BCL2: variants seen among roughly 807,000 people sequenced by gnomAD.
BCL2 encodes the protein BCL2 apoptosis regulator, also known as apoptosis regulator Bcl-2.
In BCL2, 1 loss-of-function variant was observed where a neutral mutation model predicts 14.2. That is an observed-to-expected ratio of 0.07 (90% CI 0.02 to 0.33). The LOEUF is 0.33. BCL2 is among the 10% of genes least tolerant of loss of function. BCL2 has a pLI of 0.99. For missense variants in BCL2, 247 were observed against 305.9 expected, an observed-to-expected ratio of 0.81 and a Z score of 1.44; for synonymous variants, 151 against 137.2, an observed-to-expected ratio of 1.10 and a Z score of -0.70.
intron 2 of BCL2, among the ~76,000 whole-genome samples, chr18:63,168,254 G>C (rs1198677979): frequency 6.6e-6 from 1 of 151,588 alleles, no homozygotes; most frequent in Non-Finnish European, 1.5e-5. Flanking sequence ...CCTTCCCTGG[G>C]CACATTTAAA....
chr18:63,260,101 CT>C (rs146237417), intron 2 of BCL2, among the ~76,000 whole-genome samples: 27 of 149,746 alleles, frequency 1.8e-4, no homozygotes, highest in African/African-American at 5.4e-4. Flanking sequence ...TTTTCATCTG[CT>C]TTTTTTTTTC....
At chr18:63,232,890 T>C (rs1333373661) in intron 2 of BCL2, among the ~76,000 whole-genome samples, 2 of 152,228 alleles carry the variant, frequency 1.3e-5, no homozygotes, top group Non-Finnish European at 2.9e-5. Flanking sequence ...TATTATGATA[T>C]ATTTATAGAA....
At chr18:63,249,573 GGTGGTGC>G (rs1342344607) in intron 2 of BCL2, among the ~76,000 whole-genome samples, 2 of 152,032 alleles carry the variant, frequency 1.3e-5, no homozygotes, top group Non-Finnish European at 2.9e-5. Context: ...AGCTGGGCAT[GGTGGTGC>G]GTGACTGTAG....
At chr18:63,162,202 C>G (rs1316078615) in intron 2 of BCL2, among the ~76,000 whole-genome samples, 6 of 152,164 alleles carry the variant, frequency 3.9e-5, no homozygotes, top group Admixed American at 3.3e-4. Flanking sequence ...TTAGTATTAG[C>G]AGACCATCAA....
intron 2 of BCL2, among the ~76,000 whole-genome samples, chr18:63,188,050 T>C (rs1367867623): frequency 6.6e-6 from 1 of 152,170 alleles, no homozygotes; most frequent in Non-Finnish European, 1.5e-5. Flanking sequence ...ACTTTGTAAG[T>C]ATACGATCAA....
intron 2 of BCL2, among the ~76,000 whole-genome samples, chr18:63,187,592 C>T (rs1915619999): frequency 1.3e-5 from 2 of 152,150 alleles, no homozygotes; most frequent in Admixed American, 6.5e-5. Context: ...GTTGAAAATA[C>T]CAGGAAAAAC....
intron 2 of BCL2, among the ~76,000 whole-genome samples, chr18:63,273,383 T>C (rs1362660778): frequency 2.0e-5 from 3 of 152,178 alleles, no homozygotes; most frequent in African/African-American, 7.2e-5. Context: ...CTTTCCTCCC[T>C]TCTACCGGCT....
intron 2 of BCL2, among the ~76,000 whole-genome samples, chr18:63,181,096 T>C (rs764803888): frequency 3.3e-5 from 5 of 152,168 alleles, no homozygotes; most frequent in Non-Finnish European, 7.3e-5. Context: ...AAGTGCAACA[T>C]GCAAGACAGA....
At chr18:63,164,144 G>A (rs1165215745) in intron 2 of BCL2, among the ~76,000 whole-genome samples, 3 of 152,198 alleles carry the variant, frequency 2.0e-5, no homozygotes, top group Admixed American at 1.3e-4. Flanking sequence ...AATGAATGGA[G>A]TAAAATCTTC....
chr18:63,208,805 C>T (rs184476284), intron 2 of BCL2, among the ~76,000 whole-genome samples: 90 of 152,300 alleles, frequency 5.9e-4, no homozygotes, highest in African/African-American at 2.1e-3. Flanking sequence ...TGGCTGTAGG[C>T]AGCTCTGGGT....
At position 63,169,409 on chromosome 18, in the gene BCL2, T is replaced by TTC. The variant is rs139297674; in HGVS notation, c.586-40652_586-40651dup. Among the ~76,000 whole-genome samples the TTC allele has an allele frequency of 4.2e-4, 47 of 112,736 alleles. 6 individuals are homozygous for TTC. Among genetic ancestry groups the TTC allele is most frequent in the East Asian group, 3.7e-3 (12 of 3,266 alleles). 74.0% of individuals were successfully genotyped at this position (112,736 alleles called of 152,430 possible). ...TTTCTTTTTCTTTCTTTCTTTTTCTTTCTCTCTCTCTCTCTCTCTTTCTTT... is the reference window on the plus strand; with the variant it reads ...TTTCTTTTTCTTTCTTTCTTTTTCTTTCTCTCTCTCTCTCTCTCTCTTTCTTT... On this transcript the variant is annotated intron_variant, in intron 2 of 2. Transcript: ENST00000333681.
intron 2 of BCL2, among the ~76,000 whole-genome samples, chr18:63,270,636 T>G (rs182207288): frequency 8.3e-4 from 127 of 152,248 alleles, no homozygotes; most frequent in African/African-American, 2.9e-3. Flanking sequence ...TTTCCCAGAA[T>G]AGAAGTCTGG....
intron 2 of BCL2, among the ~76,000 whole-genome samples, chr18:63,303,766 A>C (rs1163648621): frequency 6.6e-6 from 1 of 152,110 alleles, no homozygotes; most frequent in Non-Finnish European, 1.5e-5. Flanking sequence ...ATAAATATTC[A>C]TTTCCTTCCT....
intron 2 of BCL2, chr18:63,302,197 C>G (rs770184727): frequency 1.3e-5 from 4 of 306,254 alleles, no homozygotes; most frequent in Non-Finnish European, 1.9e-5. Context: ...GCTAGGCGTG[C>G]TGGCAGGCGC....
chr18:63,295,153 G>A (rs960724434), intron 2 of BCL2, among the ~76,000 whole-genome samples: 1 of 151,552 alleles, frequency 6.6e-6, no homozygotes, highest in Non-Finnish European at 1.5e-5. Flanking sequence ...GACAGAGCGA[G>A]ACTCCATCTC....
In BCL2 at chr18:63,318,721, C is replaced by A. The variant is rs1276676332; in HGVS notation, c.-55G>T. On this transcript the variant is annotated 5_prime_UTR_variant, in exon 2 of 3. Transcript: ENST00000333681. The surrounding 1 kb of genome is among the most constrained non-coding windows in gnomAD (Gnocchi z 7.4). ...ACGGCACCTCTCGCCCCAGCTCCCA[C>A]CCCACGGCCCCCAGAGAAAGAAGAG... is the stretch of plus-strand genomic sequence containing the variant. 1 of 1,606,400 alleles carries A rather than the reference C, an allele frequency of 6.2e-7. No individual in the cohort carries two copies. The highest frequency in any genetic ancestry group is 1.7e-5 in the Admixed American group (1 of 58,654).
Position 63,257,249 on chromosome 18 carries a change from G to A in BCL2, c.585+60833C>T, listed in dbSNP as rs189530454. 2.4e-3 allele frequency among the ~76,000 whole-genome samples: 362 copies of A among 152,222 alleles called. 2 individuals are homozygous for A. Among genetic ancestry groups the A allele is most frequent in the Non-Finnish European group, 2.2e-3 (148 of 68,018 alleles). On this transcript the variant is annotated intron_variant, in intron 2 of 2. Transcript: ENST00000333681. Reference sequence around the variant, plus strand: ...TAAAAACTCACAGAGAGACCCATGCGGCTACTGTGTCATGTGATCAAACAT... The same window carrying A: ...TAAAAACTCACAGAGAGACCCATGCAGCTACTGTGTCATGTGATCAAACAT...
intron 2 of BCL2, among the ~76,000 whole-genome samples, chr18:63,130,371 T>C (rs959898782): frequency 2.6e-4 from 40 of 152,202 alleles, no homozygotes; most frequent in African/African-American, 9.4e-4. Flanking sequence ...AGGGGTTCCC[T>C]TTCTCTGGGG....
chr18:63,211,436 TCTC>T (rs1167626445), intron 2 of BCL2, among the ~76,000 whole-genome samples: 9 of 152,084 alleles, frequency 5.9e-5, no homozygotes, highest in African/African-American at 2.2e-4. Flanking sequence ...TCGACTCAAA[TCTC>T]CTCCTGGTTT....
Sources: gnomAD v4.1 joint callset for allele counts (sites outside exome capture counted in the v4.1 genomes callset) on GRCh38, gnomAD v4.1.1 for gene constraint, Gnocchi (gnomAD v3.1) non-coding constraint, MANE v1.5 for transcripts, NCBI Gene and HGNC (gene_info 2026-07-23, HGNC 2026-07-21) for gene names.